SCN7A: variants seen among roughly 807,000 people sequenced by gnomAD.
SCN7A encodes the protein sodium channel protein type 7 subunit alpha.
In SCN7A, 138 loss-of-function variants were observed where a neutral mutation model predicts 155.2. The observed-to-expected ratio is 0.89, with a 90% confidence interval of 0.77 to 1.02. The LOEUF (loss-of-function observed/expected upper bound fraction) is 1.02, where lower values mean the gene tolerates loss of function less well. Ranked by LOEUF, SCN7A falls within the 50% of genes least tolerant of loss-of-function variation. The pLI is 0.00. For synonymous variants in SCN7A, 693 were observed against 649.0 expected (o/e 1.07, Z -1.03); for missense variants, 2,058 against 1,986.6 (o/e 1.04, Z -0.68).
chr2:166,449,787 C>CAA (rs202042002), intron 11 of SCN7A, among the ~76,000 whole-genome samples: 1 of 150,790 alleles, frequency 6.6e-6, no homozygotes, highest in African/African-American at 2.4e-5. Flanking sequence ...CTAAAAAGAC[C>CAA]AAAAAAAACA....
intron 2 of SCN7A, among the ~76,000 whole-genome samples, chr2:166,485,327 A>C (rs1447604739): frequency 6.6e-6 from 1 of 152,172 alleles, no homozygotes; most frequent in Non-Finnish European, 1.5e-5. Flanking sequence ...GACAACTAAT[A>C]TCTCTCTTGT....
rs1275444863 is a variant in SCN7A at position 166,405,469 on chromosome 2, C to A, written c.*111G>T. On this transcript the variant is annotated 3_prime_UTR_variant, in exon 26 of 26. Coordinates refer to ENST00000643258, the MANE Select transcript of SCN7A (RefSeq NM_002976.4). ...AGTCTTGTGAATACAAGCTTAATTA[C>A]CATCGGTTGTAAAGAACTGATTATT... 6.3e-6 allele frequency: 5 copies of A among 787,836 alleles called. No homozygotes were observed. The highest frequency in any genetic ancestry group is 1.0e-5 in the Non-Finnish European group (5 of 500,770). The allele number at this position is 787,836 out of a possible 1,614,324, so 48.8% of individuals were successfully genotyped here.
intron 11 of SCN7A, among the ~76,000 whole-genome samples, chr2:166,456,262 G>A (rs1449422690): frequency 2.0e-5 from 3 of 152,002 alleles, no homozygotes; most frequent in African/African-American, 4.8e-5. Context: ...GTAGATGACA[G>A]GTTGATGGGT....
chr2:166,415,934 G>A lies in SCN7A; in HGVS notation c.3414+773C>T, dbSNP rs181985698. ...AGCCATATTTTTCTTCTTGCAGAGA[G>A]CCTATAAATGGACGTGCAAGTAGGG... On this transcript the variant is annotated intron_variant, in intron 21 of 25. Transcript: ENST00000643258. 3.3e-5 allele frequency among the ~76,000 whole-genome samples: 5 copies of A among 152,210 alleles called. No homozygotes were observed. The East Asian group carries it at 7.7e-4, about 24-fold the overall frequency.
intron 7 of SCN7A, among the ~76,000 whole-genome samples, chr2:166,469,210 TATTA>T (rs1271931942): frequency 6.6e-6 from 1 of 151,760 alleles, no homozygotes; most frequent in African/African-American, 2.4e-5. Flanking sequence ...AGTTCTACTG[TATTA>T]ATATAGAATT....
chr2:166,419,162 C>T (rs1368492507), intron 20 of SCN7A, among the ~76,000 whole-genome samples: 1 of 151,830 alleles, frequency 6.6e-6, no homozygotes, highest in East Asian at 1.9e-4. Context: ...TATGTCTAAA[C>T]TTATTAGGAA....
chr2:166,417,822 C>T (rs1344788204), intron 20 of SCN7A, among the ~76,000 whole-genome samples: 1 of 151,636 alleles, frequency 6.6e-6, no homozygotes, highest in Non-Finnish European at 1.5e-5. Flanking sequence ...AAATGGGTTG[C>T]TGTACGTCAC....
intron 18 of SCN7A, among the ~76,000 whole-genome samples, chr2:166,423,703 A>T (rs1174649771): frequency 1.3e-5 from 2 of 152,102 alleles, no homozygotes; most frequent in Non-Finnish European, 2.9e-5. Context: ...TGTTTTAAAT[A>T]GCGATCCAAA....
chr2:166,408,281 C>T (rs1406276), intron 25 of SCN7A, among the ~76,000 whole-genome samples: 151,346 of 152,102 alleles, frequency 1, 75,309 homozygotes, highest in East Asian at 1. Context: ...TCTTCATTCA[C>T]ATTCATTGAA....
At chr2:166,455,869 C>A (rs2105462693) in intron 11 of SCN7A, among the ~76,000 whole-genome samples, 1 of 152,198 alleles carries the variant, frequency 6.6e-6, no homozygotes. Flanking sequence ...TTATTTTGAA[C>A]CAGGCTTGCA....
intron 14 of SCN7A, among the ~76,000 whole-genome samples, chr2:166,442,107 C>A (rs749304125): frequency 3.9e-5 from 6 of 152,058 alleles, no homozygotes; most frequent in Non-Finnish European, 8.8e-5. Flanking sequence ...TTTTCCTATA[C>A]GTTGACATGA....
In SCN7A at chr2:166,429,306, G is replaced by C. The variant is rs370545561; in HGVS notation, c.2593-32C>G. On this transcript the variant is annotated intron_variant, in intron 16 of 25. Coordinates refer to ENST00000643258, the MANE Select transcript of SCN7A (RefSeq NM_002976.4). ...GGTGAAGTCCCACCAAAAAAGTTGT[G>C]ATTAAAGTTTCATTTACCCATGGTG... The C allele has an allele frequency of 1.2e-4, 165 of 1,368,548 alleles. 1 individual carries two copies. In the African/African-American group the frequency reaches 1.8e-3, roughly 15 times the overall value. The allele number at this position is 1,368,548 out of a possible 1,614,324, so 84.8% of individuals were successfully genotyped here. A position where few individuals can be genotyped will look rare whatever the true frequency, so the allele number is the denominator to read the frequency against.
chr2:166,475,038 A>G (rs1702750352), intron 3 of SCN7A, among the ~76,000 whole-genome samples: 3 of 146,042 alleles, frequency 2.1e-5, no homozygotes, highest in African/African-American at 7.5e-5. Context: ...GTATATATAT[A>G]TATACCTGTA....
At chr2:166,420,260 C>T (rs1701483247) in intron 20 of SCN7A, among the ~76,000 whole-genome samples, 1 of 151,816 alleles carries the variant, frequency 6.6e-6, no homozygotes, top group Non-Finnish European at 1.5e-5. Context: ...TTAAATGTAA[C>T]ACATAATACA....
chr2:166,414,792 T>C lies in SCN7A; in HGVS notation c.3415-1671A>G, dbSNP rs556493791. On this transcript the variant is annotated intron_variant, in intron 21 of 25. Transcript: ENST00000643258. ...ATATTACATAGAATATATATTATTA[T>C]ATAGGATAATATATAGTAGGATATA... 451 of 136,096 alleles carry C rather than the reference T, an allele frequency of 3.3e-3. 3 individuals carry two copies. The highest frequency in any genetic ancestry group is 0.012 in the African/African-American group (430 of 35,862). 8.4% of individuals were successfully genotyped at this position (136,096 alleles called of 1,614,324 possible).
In SCN7A at chr2:166,406,061, T is replaced by C; in HGVS notation, c.4568A>G (p.Lys1523Arg). Residue 1523 changes from lysine to arginine, a missense_variant, in exon 26 of 26, where the codon AAA becomes AGA. Lys to Arg is a conservative substitution (Grantham distance 26). Coordinates refer to ENST00000643258, the MANE Select transcript of SCN7A (RefSeq NM_002976.4). ...CTGGGTCCTATCAGGATCAAACCTT[T>C]TCCATACCTGAAAGAATTTCCTAAA... Reference protein sequence around the residue: ...DDFRKFFQVWKRFDPDRTQYI... With the variant: ...DDFRKFFQVWRRFDPDRTQYI... The C allele has an allele frequency of 6.2e-7, 1 of 1,612,836 alleles. No homozygotes were observed. Among genetic ancestry groups the C allele is most frequent in the South Asian group, 1.1e-5 (1 of 91,062 alleles).
chr2:166,415,461 G>T (rs959236920), intron 21 of SCN7A, among the ~76,000 whole-genome samples: 5 of 151,896 alleles, frequency 3.3e-5, no homozygotes, highest in African/African-American at 7.3e-5. Flanking sequence ...TTGACCTCAT[G>T]ATCTGCCCAC....
chr2:166,465,430 T>G (rs1239201933), intron 9 of SCN7A, 32 bp downstream of exon 9: 1 of 1,451,364 alleles, frequency 6.9e-7, no homozygotes, highest in South Asian at 1.2e-5. Flanking sequence ...CAGGTGATAA[T>G]GATTTAATAG....
At chr2:166,441,141 A>G (rs1345585430) in intron 15 of SCN7A, 4 of 438,440 alleles carry the variant, frequency 9.1e-6, no homozygotes, top group Non-Finnish European at 1.6e-5. Context: ...AATGCATTCA[A>G]TATAAAAATT....
Sources: gnomAD v4.1 joint callset for allele counts (sites outside exome capture counted in the v4.1 genomes callset) on GRCh38, gnomAD v4.1.1 for gene constraint, MANE v1.5 for transcripts, NCBI Gene and HGNC (gene_info 2026-07-23, HGNC 2026-07-21) for gene names.